Variants in RPAP2 observed in about 807,000 individuals in gnomAD.
RPAP2 encodes the protein putative RNA polymerase II subunit B1 CTD phosphatase RPAP2.
RPAP2 carries 52 observed loss-of-function variants against 73.1 expected under a neutral mutation model. That is an observed-to-expected ratio of 0.71 (90% CI 0.57 to 0.90). The LOEUF is 0.90. Among genes scored for constraint, RPAP2 ranks in the 40% least tolerant of loss-of-function variants. The pLI, the probability that RPAP2 is intolerant of heterozygous loss-of-function variation, is 0.00. For synonymous variants in RPAP2, 225 were observed against 242.1 expected, an observed-to-expected ratio of 0.93 and a Z score of 0.65; for missense variants, 598 against 701.8, an observed-to-expected ratio of 0.85 and a Z score of 1.67.
rs1042066069 is a variant in RPAP2, at chr1:92,388,277, C to T, written c.*1266C>T. ...TTCAAGAGGGCTGGGCATGGTGGCT[C>T]ATGCCTTTAGTTCTAGCACTTTGGA... is the stretch of plus-strand genomic sequence containing the variant. On this transcript the variant is annotated 3_prime_UTR_variant, in exon 13 of 13. Coordinates refer to ENST00000610020, the MANE Select transcript of RPAP2 (RefSeq NM_024813.3). The T allele has an allele frequency of 1.3e-5, 2 of 152,198 alleles. No homozygotes were observed. The highest frequency in any genetic ancestry group is 4.8e-5 in the African/African-American group (2 of 41,434). 9.4% of individuals were successfully genotyped at this position (152,198 alleles called of 1,614,324 possible). A position where few individuals can be genotyped will look rare whatever the true frequency, so the allele number is the denominator to read the frequency against.
chr1:92,299,935 A>G (rs1191531414), intron 1 of RPAP2, among the ~76,000 whole-genome samples: 1 of 152,152 alleles, frequency 6.6e-6, no homozygotes, highest in African/African-American at 2.4e-5. Flanking sequence ...TCCTTGTGTG[A>G]CCATCATCGA....
chr1:92,377,587 G>T lies in RPAP2; in HGVS notation c.1689-3137G>T, dbSNP rs75503762. On this transcript the variant is annotated intron_variant, in intron 11 of 12. Transcript: ENST00000610020. ...TCCTCTAGGGCTTGTAGTTAGACTG[G>T]GGGGGAACAGGTTTCATCTCAAGAG... 1.2e-4 allele frequency among the ~76,000 whole-genome samples: 18 copies of T among 152,028 alleles called. No individual in the cohort carries two copies. The East Asian group carries it at 1.3e-3, about 11-fold the overall frequency.
At chr1:92,347,350 C>T (rs898495285) in intron 11 of RPAP2, among the ~76,000 whole-genome samples, 2 of 152,156 alleles carry the variant, frequency 1.3e-5, no homozygotes, top group African/African-American at 4.8e-5. Context: ...TCTGCTCACC[C>T]ACCAGATCAT....
At chr1:92,374,442 T>G (rs1388918248) in intron 11 of RPAP2, among the ~76,000 whole-genome samples, 2 of 152,184 alleles carry the variant, frequency 1.3e-5, no homozygotes, top group African/African-American at 2.4e-5. Context: ...CAAAGTCCTC[T>G]TCCATGGTTA....
chr1:92,331,690 A>G (rs1370891044), intron 8 of RPAP2, among the ~76,000 whole-genome samples: 1 of 152,108 alleles, frequency 6.6e-6, no homozygotes, highest in Non-Finnish European at 1.5e-5. Context: ...TTGCAAGATT[A>G]TTTATAGCCA....
chr1:92,325,761 A>T (rs1652589593), intron 8 of RPAP2, among the ~76,000 whole-genome samples: 1 of 152,142 alleles, frequency 6.6e-6, no homozygotes, highest in Non-Finnish European at 1.5e-5. Context: ...CAAAATTAAT[A>T]TTATATTAGC....
chr1:92,340,633 T>C (rs1333378395), intron 10 of RPAP2, among the ~76,000 whole-genome samples: 1 of 152,164 alleles, frequency 6.6e-6, no homozygotes, highest in Non-Finnish European at 1.5e-5. Context: ...GCTCAGACAT[T>C]AGTATTTTCT....
intron 6 of RPAP2, among the ~76,000 whole-genome samples, chr1:92,309,211 A>AG (rs976630362): frequency 3.3e-4 from 50 of 152,198 alleles, no homozygotes; most frequent in African/African-American, 9.6e-4. Context: ...TGGGAGGCCG[A>AG]GGGGGGCAGA....
At chr1:92,370,712 AAC>A (rs1655112238) in intron 11 of RPAP2, among the ~76,000 whole-genome samples, 1 of 152,114 alleles carries the variant, frequency 6.6e-6, no homozygotes, top group African/African-American at 2.4e-5. Flanking sequence ...TTTAAAAAAA[AAC>A]ACGGGGGTGG....
chr1:92,335,747 T>C (rs1653244729), intron 9 of RPAP2, among the ~76,000 whole-genome samples: 1 of 152,228 alleles, frequency 6.6e-6, no homozygotes, highest in Admixed American at 6.5e-5. Flanking sequence ...TTCTATTAAA[T>C]GGGTATAGCA....
In RPAP2 at chr1:92,399,134, A is replaced by G. The variant is rs896577979; in HGVS notation, c.*12123A>G. ...TGAGCTGGCCTCACCTCTGGGGCCT[A>G]TGAAGAAAAGCCTGCTTCAAGGTGA... is the stretch of plus-strand genomic sequence containing the variant. On this transcript the variant is annotated 3_prime_UTR_variant, in exon 13 of 13. Transcript: ENST00000610020. 2 of 152,264 alleles carry G rather than the reference A, an allele frequency of 1.3e-5. No individual in the cohort carries two copies. Among genetic ancestry groups the G allele is most frequent in the Non-Finnish European group, 2.9e-5 (2 of 68,072 alleles). 9.4% of individuals were successfully genotyped at this position (152,264 alleles called of 1,614,324 possible). A position where few individuals can be genotyped will look rare whatever the true frequency, so the allele number is the denominator to read the frequency against.
At chr1:92,327,240 A>G (rs189157670) in intron 8 of RPAP2, among the ~76,000 whole-genome samples, 1 of 152,272 alleles carries the variant, frequency 6.6e-6, no homozygotes, top group African/African-American at 2.4e-5. Flanking sequence ...TGACCTGTCT[A>G]GTGCTGTCAG....
At chr1:92,345,121 T>G (rs765471566) in intron 10 of RPAP2, among the ~76,000 whole-genome samples, 5 of 152,134 alleles carry the variant, frequency 3.3e-5, no homozygotes, top group African/African-American at 7.2e-5. Context: ...CTGTAAATTA[T>G]GCATTATAAC....
chr1:92,383,331 T>A lies in RPAP2; in HGVS notation c.1838+2458T>A, dbSNP rs564440624. ...AAAGTCATTGGTAGCTTTATGGGGA[T>A]GGCATTGAATCTATAAATTACCTTG... On this transcript the variant is annotated intron_variant, in intron 12 of 12. Transcript: ENST00000610020. Among the ~76,000 whole-genome samples the A allele has an allele frequency of 3.4e-3, 523 of 152,362 alleles. 4 individuals carry two copies. The highest frequency in any genetic ancestry group is 0.012 in the African/African-American group (496 of 41,586).
chr1:92,383,586 G>C (rs924442623), intron 12 of RPAP2, among the ~76,000 whole-genome samples: 59 of 152,314 alleles, frequency 3.9e-4, no homozygotes, highest in Non-Finnish European at 7.3e-4. Flanking sequence ...TGGTGTATAA[G>C]AATGCTTGTG....
At position 92,305,432 on chromosome 1, in the gene RPAP2, C is replaced by CAAAAAAAAAAAAAA. The variant is rs71091273; in HGVS notation, c.399+1089_399+1102dup. Among the ~76,000 whole-genome samples the CAAAAAAAAAAAAAA allele has an allele frequency of 1.9e-3, 98 of 52,680 alleles. 8 individuals are homozygous for CAAAAAAAAAAAAAA. Among genetic ancestry groups the CAAAAAAAAAAAAAA allele is most frequent in the African/African-American group, 8.5e-3 (64 of 7,520 alleles). The allele number at this position is 52,680 out of a possible 152,430, so 34.6% of individuals were successfully genotyped here. ...GGGGCAACAGAGTGAGGCTCCGTCT[C>CAAAAAAAAAAAAAA]AAAAAAAAAAAAAAAAAAAGACAAT... On this transcript the variant is annotated intron_variant, in intron 5 of 12. Transcript: ENST00000610020.
chr1:92,303,273 A>G (rs1650988493), intron 3 of RPAP2, among the ~76,000 whole-genome samples: 1 of 152,234 alleles, frequency 6.6e-6, no homozygotes, highest in Non-Finnish European at 1.5e-5. Context: ...TGATGACACC[A>G]GAAAAGACAA....
At chr1:92,364,596 C>T (rs997526956) in intron 11 of RPAP2, among the ~76,000 whole-genome samples, 1 of 152,036 alleles carries the variant, frequency 6.6e-6, no homozygotes, top group Non-Finnish European at 1.5e-5. Flanking sequence ...TCAAATGGCC[C>T]CTTTTGGTGG....
At chr1:92,368,476 A>C (rs1655018170) in intron 11 of RPAP2, among the ~76,000 whole-genome samples, 1 of 152,194 alleles carries the variant, frequency 6.6e-6, no homozygotes, top group Non-Finnish European at 1.5e-5. Context: ...TTGCTCAATA[A>C]ACCACAACTT....
Sources: allele counts gnomAD v4.1 joint callset (sites outside exome capture counted in the v4.1 genomes callset), GRCh38; gene constraint gnomAD v4.1.1; transcripts MANE v1.5; gene names NCBI Gene and HGNC (gene_info 2026-07-23, HGNC 2026-07-21).